The following POLD3 variants were observed in gnomAD, a reference collection of about 807,000 sequenced individuals.
The protein encoded by POLD3 is DNA polymerase delta subunit 3.
Under a neutral mutation model 58.2 loss-of-function variants are expected in POLD3, and 19 were observed. That is an observed-to-expected ratio of 0.33 (90% CI 0.23 to 0.48). The LOEUF (loss-of-function observed/expected upper bound fraction) is 0.48. Ranked by LOEUF, POLD3 falls within the 20% of genes least tolerant of loss-of-function variation. The pLI is 0.99. For missense variants in POLD3, 504 were observed against 545.5 expected, an observed-to-expected ratio of 0.92 and a Z score of 0.76; for synonymous variants, 172 against 193.5, an observed-to-expected ratio of 0.89 and a Z score of 0.92.
Position 74,640,822 on chromosome 11 carries a change from A to G in POLD3, c.*56A>G, listed in dbSNP as rs956144912. The G allele has an allele frequency of 6.2e-5, 90 of 1,449,468 alleles. No homozygotes were observed. The South Asian group carries it at 1.2e-3, about 19-fold the overall frequency. The allele number at this position is 1,449,468 out of a possible 1,614,324, so 89.8% of individuals were successfully genotyped here. Reference sequence around the variant, plus strand: ...AGTGGTCAAGGGAGAAGACCAAGAAATGTACTCCTCACTTACTATGTAAGT... The same window carrying G: ...AGTGGTCAAGGGAGAAGACCAAGAAGTGTACTCCTCACTTACTATGTAAGT... On this transcript the variant is annotated 3_prime_UTR_variant, in exon 12 of 12. Transcript: ENST00000263681.
At chr11:74,647,986 C>T (rs931418920), downstream of POLD3, among the ~76,000 whole-genome samples, 4 of 152,172 alleles carry the variant, frequency 2.6e-5, no homozygotes, top group Non-Finnish European at 5.9e-5. Flanking sequence ...CACATGAAGA[C>T]AGGAAGGCTC....
intron 5 of POLD3, among the ~76,000 whole-genome samples, chr11:74,617,352 G>A (rs776763408): frequency 2.6e-5 from 4 of 152,198 alleles, no homozygotes; most frequent in Non-Finnish European, 5.9e-5. Context: ...TGGCTGTAAA[G>A]GACTATAGGT....
intron 3 of POLD3, among the ~76,000 whole-genome samples, chr11:74,608,037 A>G (rs750250965): frequency 1.3e-5 from 2 of 152,168 alleles, no homozygotes; most frequent in Non-Finnish European, 2.9e-5. Context: ...ATTTCAAGGA[A>G]ATGTTTGGTT....
chr11:74,608,012 GAGGATTATTTGAA>G (rs1216790864), intron 3 of POLD3, among the ~76,000 whole-genome samples: 1 of 152,160 alleles, frequency 6.6e-6, no homozygotes, highest in African/African-American at 2.4e-5. Context: ...GATTCTTCCA[GAGGATTATTTGAA>G]AATTTCAAGG....
intron 4 of POLD3, among the ~76,000 whole-genome samples, chr11:74,654,455 G>A (rs572475496): frequency 7.0e-4 from 106 of 152,316 alleles, no homozygotes; most frequent in South Asian, 5.4e-3. Flanking sequence ...CTGTAATTTA[G>A]GGGAATATAG....
intron 7 of POLD3, among the ~76,000 whole-genome samples, chr11:74,622,753 T>A (rs1743098433): frequency 6.6e-6 from 1 of 152,148 alleles, no homozygotes; most frequent in South Asian, 2.1e-4. Flanking sequence ...GAATGTAAAA[T>A]GATGTGTACT....
chr11:74,604,081 C>G (rs2135124213), intron 2 of POLD3, among the ~76,000 whole-genome samples: 1 of 152,264 alleles, frequency 6.6e-6, no homozygotes. Context: ...TCTGAGTAAT[C>G]ATAAAATTGG....
At chr11:74,597,553 C>T (rs1365400948) in intron 2 of POLD3, among the ~76,000 whole-genome samples, 1 of 152,188 alleles carries the variant, frequency 6.6e-6, no homozygotes, top group Non-Finnish European at 1.5e-5. Context: ...TTCAGCCTCC[C>T]AGGCTCAAGT....
At chr11:74,606,340 G>A (rs1273762356) in intron 3 of POLD3, among the ~76,000 whole-genome samples, 1 of 152,196 alleles carries the variant, frequency 6.6e-6, no homozygotes, top group Non-Finnish European at 1.5e-5. Flanking sequence ...TACTGTCAAA[G>A]TTTATGGCTG....
intron 2 of POLD3, chr11:74,595,327 A>G (rs1214657948): frequency 6.6e-6 from 1 of 152,042 alleles, no homozygotes; most frequent in African/African-American, 2.4e-5. Flanking sequence ...TAACCATCCT[A>G]GTGGATGTGA....
intron 6 of POLD3, among the ~76,000 whole-genome samples, chr11:74,619,687 C>T (rs1291792111): frequency 5.9e-5 from 9 of 152,208 alleles, no homozygotes; most frequent in East Asian, 3.9e-4. Context: ...TAGGTTTTCC[C>T]GCTTTGTGTA....
At chr11:74,630,354 GACAGTA>G (rs2032555628) in intron 9 of POLD3, among the ~76,000 whole-genome samples, 1 of 152,136 alleles carries the variant, frequency 6.6e-6, no homozygotes, top group Non-Finnish European at 1.5e-5. Context: ...ATATACAGTT[GACAGTA>G]ATGCAAAAGA....
intron 9 of POLD3, among the ~76,000 whole-genome samples, chr11:74,631,915 T>C (rs2032605036): frequency 6.6e-6 from 1 of 152,162 alleles, no homozygotes; most frequent in Non-Finnish European, 1.5e-5. Flanking sequence ...CACTTCTGTT[T>C]GTAACTTTCT....
Position 74,660,011 on chromosome 11 carries a change from C to T in POLD3, c.370-8766C>T, listed in dbSNP as rs188290838. On this transcript the variant is annotated intron_variant, in intron 4 of 4. Coordinates refer to the POLD3 transcript ENST00000524752. The stretch of plus-strand genomic sequence containing the variant: ...TTCACACTGCTGACAAAGACATACC[C>T]GAGACTGGGAAGAAAAAGAGGTTTA... 1.7e-3 allele frequency among the ~76,000 whole-genome samples: 261 copies of T among 152,202 alleles called. 1 individual carries two copies. The highest frequency in any genetic ancestry group is 5.8e-3 in the African/African-American group (241 of 41,520).
In POLD3 at chr11:74,629,201, T is replaced by C. The variant is rs1175002264; in HGVS notation, c.900-16T>C. On this transcript the variant is annotated splice_polypyrimidine_tract_variant and intron_variant, in intron 8 of 11. Coordinates refer to ENST00000263681, the MANE Select transcript of POLD3 (RefSeq NM_006591.3). The stretch of plus-strand genomic sequence containing the variant: ...GTTCTGTGTAACACGCTTAATTTAT[T>C]TCTGGATGGCAACAGGGGGAAGCGA... 5 of 1,478,464 alleles carry C rather than the reference T, an allele frequency of 3.4e-6. No homozygotes were observed. The East Asian group carries it at 1.2e-4, about 35-fold the overall frequency. 91.6% of individuals were successfully genotyped at this position (1,478,464 alleles called of 1,614,324 possible).
chr11:74,595,952 C>T (rs1359956688), intron 2 of POLD3, among the ~76,000 whole-genome samples: 1 of 150,718 alleles, frequency 6.6e-6, no homozygotes, highest in Non-Finnish European at 1.5e-5. Flanking sequence ...TGATGAAGTC[C>T]AATTTATTTA....
intron 3 of POLD3, among the ~76,000 whole-genome samples, chr11:74,606,452 A>T (rs2031679068): frequency 2.0e-5 from 3 of 152,220 alleles, no homozygotes; most frequent in Non-Finnish European, 4.4e-5. Context: ...TTTACTTGGA[A>T]ATCATTATGT....
At chr11:74,644,235 A>G (rs927298848), downstream of POLD3, among the ~76,000 whole-genome samples, 4 of 152,242 alleles carry the variant, frequency 2.6e-5, no homozygotes, top group African/African-American at 4.8e-5. Flanking sequence ...CATGAGTAGA[A>G]TGAGTGCCTA....
rs181193437 is a variant in POLD3, at chr11:74,640,364, A to G, written c.1199-200A>G. ...AACGTTAATTCTAAGCATCAAATAGAGACTGTGTGAGCTCAGGATCCCACA... is the reference window on the plus strand; with the variant it reads ...AACGTTAATTCTAAGCATCAAATAGGGACTGTGTGAGCTCAGGATCCCACA... On this transcript the variant is annotated intron_variant, in intron 11 of 11. Transcript: ENST00000263681. 9.8e-5 allele frequency among the ~76,000 whole-genome samples: 15 copies of G among 152,320 alleles called. No individual in the cohort carries two copies. The East Asian group carries it at 2.9e-3, about 29-fold the overall frequency.
Sources: allele counts gnomAD v4.1 joint callset (sites outside exome capture counted in the v4.1 genomes callset), GRCh38; gene constraint gnomAD v4.1.1; transcripts MANE v1.5; gene names NCBI Gene and HGNC (gene_info 2026-07-23, HGNC 2026-07-21).